SLC35F1: variants seen among roughly 807,000 people sequenced by gnomAD.
The protein encoded by SLC35F1 is solute carrier family 35 member F1.
Under a neutral mutation model 48.7 loss-of-function variants are expected in SLC35F1, and 14 were observed. The observed-to-expected ratio is 0.29, with a 90% CI of 0.19 to 0.45. SLC35F1 has a LOEUF of 0.45. Ranked by LOEUF, SLC35F1 falls within the 20% of genes least tolerant of loss-of-function variation. The pLI is 1.00. For synonymous variants in SLC35F1, 190 were observed against 202.2 expected (o/e 0.94, Z 0.51); for missense variants, 404 against 500.0 (o/e 0.81, Z 1.83).
intron 1 of SLC35F1, among the ~76,000 whole-genome samples, chr6:118,139,645 C>T (rs1455220722): frequency 1.3e-5 from 2 of 152,170 alleles, no homozygotes; most frequent in Non-Finnish European, 2.9e-5. Flanking sequence ...TGGCAGAAAT[C>T]TCCCATGGCT....
intron 3 of SLC35F1, among the ~76,000 whole-genome samples, chr6:118,249,387 A>AGC (rs1775545368): frequency 6.6e-6 from 1 of 152,186 alleles, no homozygotes; most frequent in Non-Finnish European, 1.5e-5. Flanking sequence ...CTCCTTGGAG[A>AGC]GCACCCTGGT....
chr6:117,996,932 T>G (rs1378498088), intron 1 of SLC35F1, among the ~76,000 whole-genome samples: 1 of 152,148 alleles, frequency 6.6e-6, no homozygotes, highest in Non-Finnish European at 1.5e-5. Flanking sequence ...GAGAATGACT[T>G]TGACGAGTTG....
intron 2 of SLC35F1, among the ~76,000 whole-genome samples, chr6:118,201,074 G>A (rs1562323452): frequency 6.6e-6 from 1 of 152,070 alleles, no homozygotes; most frequent in African/African-American, 2.4e-5. Context: ...ACCATGCCCA[G>A]CTAATTATTT....
intron 7 of SLC35F1, among the ~76,000 whole-genome samples, chr6:118,291,278 CACACACAT>C (rs1280123493): frequency 3.8e-5 from 4 of 105,604 alleles, no homozygotes; most frequent in East Asian, 2.3e-4. Flanking sequence ...CACACACACA[CACACACAT>C]ATATAATAAC....
chr6:117,959,460 C>CT (rs1776467242), intron 1 of SLC35F1, among the ~76,000 whole-genome samples: 1 of 152,182 alleles, frequency 6.6e-6, no homozygotes, highest in South Asian at 2.1e-4. Flanking sequence ...AACAAAATCT[C>CT]TGTCTGTAGG....
intron 1 of SLC35F1, among the ~76,000 whole-genome samples, chr6:117,923,608 C>CATATATACAT (rs1338477804): frequency 3.8e-5 from 1 of 26,076 alleles, no homozygotes; most frequent in Non-Finnish European, 6.5e-5. Flanking sequence ...TGTATATATA[C>CATATATACAT]ATATACATAT....
intron 7 of SLC35F1, among the ~76,000 whole-genome samples, chr6:118,298,983 T>C (rs774898219): frequency 8.5e-5 from 13 of 152,134 alleles, no homozygotes; most frequent in Admixed American, 2.6e-4. Context: ...GAGAACAGCC[T>C]GGGCAACATA....
At chr6:118,067,869 G>A (rs905419109) in intron 1 of SLC35F1, among the ~76,000 whole-genome samples, 1 of 152,112 alleles carries the variant, frequency 6.6e-6, no homozygotes, top group Non-Finnish European at 1.5e-5. Context: ...CTGGGTGGGA[G>A]TCAAGAATTA....
intron 3 of SLC35F1, among the ~76,000 whole-genome samples, chr6:118,237,842 G>GGGGT (rs1775385420): frequency 6.6e-6 from 1 of 152,056 alleles, no homozygotes; most frequent in Admixed American, 6.6e-5. Flanking sequence ...CATAAAATTG[G>GGGGT]TGAATTTACC....
intron 1 of SLC35F1, among the ~76,000 whole-genome samples, chr6:118,139,011 A>G (rs1408594354): frequency 6.6e-6 from 1 of 152,014 alleles, no homozygotes; most frequent in Non-Finnish European, 1.5e-5. Flanking sequence ...TGGATCAATC[A>G]AGGAAAATAA....
At chr6:117,989,115 C>A (rs1035277723) in intron 1 of SLC35F1, among the ~76,000 whole-genome samples, 7 of 152,180 alleles carry the variant, frequency 4.6e-5, no homozygotes, top group African/African-American at 1.4e-4. Context: ...TCTCATAGGT[C>A]ACCTCTGAAA....
chr6:117,998,840 A>T, intron 1 of SLC35F1: 1 of 542,648 alleles, frequency 1.8e-6, no homozygotes, highest in Non-Finnish European at 3.3e-6. Flanking sequence ...TCCAAAATTG[A>T]CACCCTAACA....
In SLC35F1 at chr6:118,249,203, G is replaced by A. The variant is rs1775543160; in HGVS notation, c.477+13567G>A. ...CACCACCCTCCAGGCAGGTTCGAAG[G>A]CACTTATCTTCTGAGAGCCTTCTCC... On this transcript the variant is annotated intron_variant, in intron 3 of 7. Coordinates refer to ENST00000360388, the MANE Select transcript of SLC35F1 (RefSeq NM_001029858.4). Among the ~76,000 whole-genome samples, 3 of 152,198 alleles carry A rather than the reference G, an allele frequency of 2.0e-5. 1 individual carries two copies. Among genetic ancestry groups the A allele is most frequent in the South Asian group, 4.1e-4 (2 of 4,830 alleles).
chr6:117,958,958 C>T (rs917065193), intron 1 of SLC35F1, among the ~76,000 whole-genome samples: 3 of 152,106 alleles, frequency 2.0e-5, no homozygotes, highest in African/African-American at 7.2e-5. Context: ...TTTGTTGTTA[C>T]CGTAACTGTG....
chr6:117,989,627 G>C (rs1283778230), intron 1 of SLC35F1, among the ~76,000 whole-genome samples: 1 of 152,108 alleles, frequency 6.6e-6, no homozygotes, highest in Admixed American at 6.6e-5. Context: ...TTAATTTTTT[G>C]TAAATTCTAA....
chr6:118,163,345 A>G (rs762599574), intron 2 of SLC35F1, among the ~76,000 whole-genome samples: 1 of 152,126 alleles, frequency 6.6e-6, no homozygotes, highest in Non-Finnish European at 1.5e-5. Context: ...TTATAGATGG[A>G]AGGAAATTGA....
At chr6:117,918,583 C>G (rs965284611) in intron 1 of SLC35F1, among the ~76,000 whole-genome samples, 4 of 151,906 alleles carry the variant, frequency 2.6e-5, no homozygotes, top group African/African-American at 9.7e-5. Flanking sequence ...GATGTTTGTA[C>G]AAAGAGAAGT....
intron 7 of SLC35F1, 124 bp downstream of exon 7, chr6:118,285,462 C>T: frequency 1.9e-6 from 2 of 1,074,592 alleles, no homozygotes; most frequent in South Asian, 2.9e-5. Context: ...ACTGGGTGTG[C>T]TAACCTCCAT....
chr6:118,168,247 G>T (rs558595907), intron 2 of SLC35F1, among the ~76,000 whole-genome samples: 2 of 152,174 alleles, frequency 1.3e-5, no homozygotes, highest in East Asian at 3.9e-4. Flanking sequence ...GGGCTTCTAT[G>T]AACTAGACCA....
Sources: gnomAD v4.1 joint callset for allele counts (sites outside exome capture counted in the v4.1 genomes callset) on GRCh38, gnomAD v4.1.1 for gene constraint, MANE v1.5 for transcripts, NCBI Gene and HGNC (gene_info 2026-07-23, HGNC 2026-07-21) for gene names.